The following MYO1E variants were observed in gnomAD, a reference collection of about 807,000 sequenced individuals.
MYO1E encodes myosin IE.
A neutral mutation model predicts 151.1 loss-of-function variants in MYO1E; 68 were observed. That is an observed-to-expected ratio of 0.45 (90% CI 0.37 to 0.55). The LOEUF is 0.55. MYO1E is among the 20% of genes least tolerant of loss of function. The pLI is 0.00. For missense variants in MYO1E, 1,363 were observed against 1,389.3 expected (o/e 0.98, Z 0.30); for synonymous variants, 601 against 501.7 (o/e 1.20, Z -2.64).
chr15:59,146,874 T>C (rs1013763705), intron 26 of MYO1E, among the ~76,000 whole-genome samples: 2 of 152,194 alleles, frequency 1.3e-5, no homozygotes, highest in Non-Finnish European at 2.9e-5. Context: ...CATCACTTTA[T>C]GTGTCTATTA....
chr15:59,154,001 A>G (rs568114833), intron 25 of MYO1E, among the ~76,000 whole-genome samples: 2 of 152,300 alleles, frequency 1.3e-5, no homozygotes, highest in South Asian at 4.1e-4. Flanking sequence ...GGCTTTACTG[A>G]GGTATAACTG....
At chr15:59,270,253 A>G (rs1049818376) in intron 2 of MYO1E, among the ~76,000 whole-genome samples, 2 of 152,230 alleles carry the variant, frequency 1.3e-5, no homozygotes, top group Non-Finnish European at 2.9e-5. Context: ...ATGTATATAC[A>G]TATTAAAACA....
intron 16 of MYO1E, among the ~76,000 whole-genome samples, chr15:59,197,745 G>C (rs1223524135): frequency 1.3e-5 from 2 of 152,226 alleles, no homozygotes; most frequent in Admixed American, 6.5e-5. Context: ...GAATTAACTG[G>C]TTGAGGTAGG....
chr15:59,371,541 G>T (rs1357663892), intron 1 of MYO1E, among the ~76,000 whole-genome samples: 1 of 152,000 alleles, frequency 6.6e-6, no homozygotes, highest in Non-Finnish European at 1.5e-5. Context: ...GGTGGCTAAG[G>T]TTATACAGGG....
At chr15:59,348,296 T>TC (rs1400716881) in intron 1 of MYO1E, among the ~76,000 whole-genome samples, 1 of 152,132 alleles carries the variant, frequency 6.6e-6, no homozygotes, top group Non-Finnish European at 1.5e-5. Flanking sequence ...AATAATACCC[T>TC]CCCTAACCAA....
chr15:59,216,590 G>GTATCTATCTATCTATCTATC (rs1309666735), intron 10 of MYO1E, among the ~76,000 whole-genome samples: 266 of 61,230 alleles, frequency 4.3e-3, no homozygotes, highest in African/African-American at 0.015. Context: ...GTGTGTGTGT[G>GTATCTATCTATCTATCTATC]TGTGTATCTA....
At chr15:59,234,951 T>C (rs1356335070) in intron 5 of MYO1E, among the ~76,000 whole-genome samples, 1 of 152,180 alleles carries the variant, frequency 6.6e-6, no homozygotes, top group Non-Finnish European at 1.5e-5. Context: ...GAAGGAATTC[T>C]GTCACCAGCG....
intron 1 of MYO1E, among the ~76,000 whole-genome samples, chr15:59,301,652 T>G (rs555907951): frequency 6.6e-6 from 1 of 152,238 alleles, no homozygotes; most frequent in African/African-American, 2.4e-5. Flanking sequence ...GCAGCTTTAT[T>G]GTGGCTAAGT....
intron 4 of MYO1E, among the ~76,000 whole-genome samples, chr15:59,245,708 G>C (rs1195742793): frequency 1.3e-5 from 2 of 152,084 alleles, no homozygotes; most frequent in East Asian, 3.9e-4. Context: ...GCTGATTTAG[G>C]CCAAAAGTGA....
rs2080328191 is a variant in MYO1E at position 59,277,564 on chromosome 15, A to AAAAAAC, written c.4-5116_4-5115insGTTTTT. On this transcript the variant is annotated intron_variant, in intron 1 of 27. Transcript: ENST00000288235. Reference sequence around the variant, plus strand: ...ATCCCCCCACAAAAAAAAAAAAAAAAAAAAAAAAACATCAAAGCCTCATCC... The same window carrying AAAAAAC: ...ATCCCCCCACAAAAAAAAAAAAAAAAAAAAACAAAAAAAAACATCAAAGCCTCATCC... Among the ~76,000 whole-genome samples, 10 of 139,850 alleles carry AAAAAAC rather than the reference A, an allele frequency of 7.2e-5. No homozygotes were observed. The East Asian group carries it at 1.5e-3, about 21-fold the overall frequency. 91.7% of individuals were successfully genotyped at this position (139,850 alleles called of 152,430 possible).
chr15:59,261,639 AGATT>A, intron 2 of MYO1E, 130 bp from the exon 3 acceptor site: 1 of 678,742 alleles, frequency 1.5e-6, no homozygotes. Context: ...GTTTTCTAAA[AGATT>A]ACAAGTAAAG....
intron 4 of MYO1E, among the ~76,000 whole-genome samples, chr15:59,246,001 T>G (rs1192284013): frequency 6.6e-6 from 1 of 152,254 alleles, no homozygotes; most frequent in African/African-American, 2.4e-5. Flanking sequence ...ATTCTGGATT[T>G]TGGAGAACAG....
intron 1 of MYO1E, among the ~76,000 whole-genome samples, chr15:59,275,754 G>A (rs1218437097): frequency 6.6e-6 from 1 of 152,160 alleles, no homozygotes; most frequent in Non-Finnish European, 1.5e-5. Context: ...ATGAAAGCTG[G>A]GAAGCTTTAG....
At chr15:59,240,914 A>C (rs1463238458) in intron 4 of MYO1E, among the ~76,000 whole-genome samples, 2 of 152,244 alleles carry the variant, frequency 1.3e-5, no homozygotes, top group Non-Finnish European at 2.9e-5. Flanking sequence ...CCAGAATGAG[A>C]TGTGGCTCCT....
rs566659335 is a variant in MYO1E at position 59,215,872 on chromosome 15, G to T, written c.1108-1152C>A. On this transcript the variant is annotated intron_variant, in intron 10 of 27. Transcript: ENST00000288235. ...AAAGAGATATGGATTCTAGTCCCAG[G>T]CTGCACCACCCCCTTGCTGACCAGC... Among the ~76,000 whole-genome samples, 212 of 152,260 alleles carry T rather than the reference G, an allele frequency of 1.4e-3. 1 individual carries two copies. Among genetic ancestry groups the T allele is most frequent in the Middle Eastern group, 3.4e-3 (1 of 294 alleles).
chr15:59,207,708 T>G, intron 14 of MYO1E: 1 of 1,614,206 alleles, frequency 6.2e-7, no homozygotes, highest in African/African-American at 1.3e-5. Context: ...TGAACATAGC[T>G]GGTGTCCCTT....
chr15:59,191,288 T>C (rs768249498), intron 17 of MYO1E, among the ~76,000 whole-genome samples: 3 of 148,614 alleles, frequency 2.0e-5, no homozygotes, highest in Admixed American at 6.7e-5. Context: ...ACCCCGTCTG[T>C]ACTAAATATC....
intron 1 of MYO1E, among the ~76,000 whole-genome samples, chr15:59,320,170 A>T (rs183163526): frequency 2.6e-5 from 4 of 152,350 alleles, no homozygotes; most frequent in East Asian, 1.9e-4. Flanking sequence ...GAAATCACAG[A>T]TGACACAAAC....
At chr15:59,221,300 A>G (rs2079954659) in intron 9 of MYO1E, among the ~76,000 whole-genome samples, 1 of 151,970 alleles carries the variant, frequency 6.6e-6, no homozygotes. Flanking sequence ...ATGAGCCACC[A>G]TGCCTGGCCT....
Sources: allele counts gnomAD v4.1 joint callset (sites outside exome capture counted in the v4.1 genomes callset), GRCh38; gene constraint gnomAD v4.1.1; transcripts MANE v1.5; gene names NCBI Gene and HGNC (gene_info 2026-07-23, HGNC 2026-07-21).